Variants in TEK observed in about 807,000 individuals in gnomAD.
TEK encodes the protein TEK receptor tyrosine kinase, also known as angiopoietin-1 receptor.
A neutral mutation model predicts 131.8 loss-of-function variants in TEK; 43 were observed. The observed-to-expected ratio is 0.33, with a 90% CI of 0.26 to 0.42. The LOEUF (loss-of-function observed/expected upper bound fraction) is 0.42. TEK is among the 10% of genes least tolerant of loss of function. The pLI is 1.00. For synonymous variants in TEK, 580 were observed against 491.6 expected (o/e 1.18, Z -2.38); for missense variants, 1,162 against 1,384.4 (o/e 0.84, Z 2.55).
chr9:27,137,873 C>G lies in TEK; in HGVS notation c.53-19958C>G, dbSNP rs180753746. Among the ~76,000 whole-genome samples the G allele has an allele frequency of 3.4e-3, 521 of 152,244 alleles. 1 individual carries two copies. The highest frequency in any genetic ancestry group is 5.8e-3 in the Non-Finnish European group (397 of 68,032). On this transcript the variant is annotated intron_variant, in intron 1 of 22. Transcript: ENST00000380036. ...CGGAATTTATTCATTCCGGTGGGTT[C>G]TTGGTCTCACTGTGGACCCTTGCGG...
chr9:27,154,290 A>G (rs1030699560), intron 1 of TEK, among the ~76,000 whole-genome samples: 3 of 152,094 alleles, frequency 2.0e-5, no homozygotes, highest in Non-Finnish European at 2.9e-5. Flanking sequence ...TACATTAGGT[A>G]TTTCTCCTAA....
At position 27,173,918 on chromosome 9, in the gene TEK, A is replaced by T. The variant is rs1368290434; in HGVS notation, c.901+556A>T. ...ACACTCCAGCCTGGGCAACAGAGTG[A>T]GACCTCGTTTAAAAAAAAAAAAATC... On this transcript the variant is annotated intron_variant, in intron 6 of 22. Transcript: ENST00000380036. 5.6e-5 allele frequency among the ~76,000 whole-genome samples: 8 copies of T among 143,890 alleles called. No individual in the cohort carries two copies. The Admixed American group carries it at 5.6e-4, about 10-fold the overall frequency. The allele number at this position is 143,890 out of a possible 152,430, so 94.4% of individuals were successfully genotyped here.
intron 21 of TEK, among the ~76,000 whole-genome samples, chr9:27,222,123 T>C (rs895267960): frequency 3.3e-5 from 5 of 152,086 alleles, no homozygotes; most frequent in South Asian, 2.1e-4. Flanking sequence ...ATGGATCAAG[T>C]GGAAGAAAGG....
At position 27,213,606 on chromosome 9, in the gene TEK, C is replaced by T. The variant is rs992167231; in HGVS notation, c.2991+9C>T. The T allele has an allele frequency of 1.3e-6, 2 of 1,587,192 alleles. No individual in the cohort carries two copies. Among genetic ancestry groups the T allele is most frequent in the African/African-American group, 2.7e-5 (2 of 74,422 alleles). On this transcript the variant is annotated intron_variant, in intron 18 of 22. Coordinates refer to ENST00000380036, the MANE Select transcript of TEK (RefSeq NM_000459.5). The stretch of plus-strand genomic sequence containing the variant: ...ATGTGAAAAAGACAATGGTAAGTGC[C>T]AGACACAGACACTGATCGCATCCTT...
At chr9:27,209,623 T>C (rs950280320) in intron 16 of TEK, among the ~76,000 whole-genome samples, 3 of 152,312 alleles carry the variant, frequency 2.0e-5, no homozygotes, top group African/African-American at 7.2e-5. Context: ...GTATTCTGAA[T>C]GTTAAAAGCC....
intron 22 of TEK, 116 bp downstream of exon 22, chr9:27,228,421 T>C: frequency 1.2e-6 from 1 of 820,726 alleles, no homozygotes; most frequent in Non-Finnish European, 2.0e-6. Flanking sequence ...CCCTAAGTAT[T>C]ATAGAAACAA....
chr9:27,112,755 T>A (rs1410957109), intron 1 of TEK, among the ~76,000 whole-genome samples: 2 of 152,186 alleles, frequency 1.3e-5, no homozygotes, highest in African/African-American at 4.8e-5. Flanking sequence ...TTAAATAGAT[T>A]GTTCTAGGCT....
intron 16 of TEK, among the ~76,000 whole-genome samples, chr9:27,211,485 C>G (rs970619127): frequency 2.0e-4 from 25 of 128,060 alleles, no homozygotes; most frequent in Non-Finnish European, 3.5e-4. Flanking sequence ...TAGGGTCTCA[C>G]TCTGTTGCCC....
At position 27,168,526 on chromosome 9, in the gene TEK, T is replaced by A. The variant is rs1267556791; in HGVS notation, c.396T>A (p.Thr132=). 1 of 1,613,966 alleles carries A rather than the reference T, an allele frequency of 6.2e-7. No individual in the cohort carries two copies. The highest frequency in any genetic ancestry group is 1.1e-5 in the South Asian group (1 of 91,074). Residue 132 remains threonine (T), a synonymous_variant, in exon 3 of 23, where the codon ACT becomes ACA. Transcript: ENST00000380036. Reference sequence around the variant, plus strand: ...TCCTACCAGCTACTTTAACTATGACTGTGGACAAGGGAGATAACGTGAACA... The same window carrying A: ...TCCTACCAGCTACTTTAACTATGACAGTGGACAAGGGAGATAACGTGAACA... ...ASFLPATLTM[T]VDKGDNVNIS... is the part of the protein sequence containing the mutation.
chr9:27,195,098 G>T (rs1679663442), intron 11 of TEK, among the ~76,000 whole-genome samples: 2 of 152,124 alleles, frequency 1.3e-5, no homozygotes, highest in Admixed American at 1.3e-4. Flanking sequence ...ACCACTCTGG[G>T]TGGCTATTTT....
chr9:27,221,504 G>T (rs1041267008), intron 21 of TEK, among the ~76,000 whole-genome samples: 1 of 152,074 alleles, frequency 6.6e-6, no homozygotes, highest in Non-Finnish European at 1.5e-5. Context: ...AGTAGGGGTC[G>T]ACAGGACATC....
chr9:27,112,020 C>T (rs938287877), intron 1 of TEK, among the ~76,000 whole-genome samples: 3 of 151,734 alleles, frequency 2.0e-5, no homozygotes, highest in African/African-American at 7.3e-5. Context: ...GCCTCAGCCT[C>T]TCGAGTAGCT....
chr9:27,152,726 C>A (rs538679), intron 1 of TEK, among the ~76,000 whole-genome samples: 69,782 of 151,812 alleles, frequency 0.46, 16,259 homozygotes, highest in South Asian at 0.56. Flanking sequence ...CTTTTTAGAA[C>A]ATGAGAAATT....
intron 21 of TEK, among the ~76,000 whole-genome samples, chr9:27,225,533 C>G (rs1259280316): frequency 6.6e-6 from 1 of 152,082 alleles, no homozygotes; most frequent in Non-Finnish European, 1.5e-5. Flanking sequence ...AACTGGCTAG[C>G]CATATGCAGA....
chr9:27,218,738 G>A (rs376081200), intron 19 of TEK, 39 bp from the exon 20 acceptor site: 14 of 1,612,912 alleles, frequency 8.7e-6, no homozygotes, highest in Non-Finnish European at 1.2e-5. Flanking sequence ...CGGTGACTCT[G>A]TTTGCTGATT....
At chr9:27,146,035 T>C (rs1407005021) in intron 1 of TEK, among the ~76,000 whole-genome samples, 1 of 152,238 alleles carries the variant, frequency 6.6e-6, no homozygotes, top group Non-Finnish European at 1.5e-5. Context: ...GGTTGGTGTA[T>C]GACTTCTAAG....
chr9:27,125,343 A>G (rs1821949080), intron 1 of TEK, among the ~76,000 whole-genome samples: 1 of 152,236 alleles, frequency 6.6e-6, no homozygotes, highest in Non-Finnish European at 1.5e-5. Flanking sequence ...CTGCTTCTGG[A>G]ATCAAACAAA....
At chr9:27,135,138 C>T (rs62544593) in intron 1 of TEK, among the ~76,000 whole-genome samples, 18,893 of 151,692 alleles carry the variant, frequency 0.12, 1,500 homozygotes, top group Middle Eastern at 0.27. Flanking sequence ...GCAGGAGAAT[C>T]GCTTGAACCC....
At position 27,169,519 on chromosome 9, in the gene TEK, T is replaced by C. The variant is rs749232854; in HGVS notation, c.518T>C (p.Ile173Thr). The change falls in exon 4 of 23, where the codon ATT (isoleucine) becomes ACT (threonine). Residue 173 changes from isoleucine to threonine, a missense_variant. Transcript: ENST00000380036. Reference protein sequence around the residue: ...HSVPRHEVPDILEVHLPHAQP... With the variant: ...HSVPRHEVPDTLEVHLPHAQP... ...GTGCCCCGGCATGAAGTACCTGATA[T>C]TCTAGAAGTACACCTGCCTCATGCT... 11 of 1,614,156 alleles carry C rather than the reference T, an allele frequency of 6.8e-6. No individual in the cohort carries two copies. The highest frequency in any genetic ancestry group is 9.3e-6 in the Non-Finnish European group (11 of 1,179,994).
Sources: allele counts gnomAD v4.1 joint callset (sites outside exome capture counted in the v4.1 genomes callset), GRCh38; gene constraint gnomAD v4.1.1; transcripts MANE v1.5; gene names NCBI Gene and HGNC (gene_info 2026-07-23, HGNC 2026-07-21).